PTGES2: variants seen among roughly 807,000 people sequenced by gnomAD.
PTGES2 encodes GATE-binding factor 1.
PTGES2 carries 35 observed loss-of-function variants against 44.5 expected under a neutral mutation model. The observed-to-expected ratio is 0.79, with a 90% confidence interval of 0.60 to 1.04. The LOEUF is 1.04. Ranked by LOEUF, PTGES2 falls within the 50% of genes least tolerant of loss-of-function variation. PTGES2 has a pLI of 0.00. For synonymous variants in PTGES2, 221 were observed against 227.5 expected (o/e 0.97, Z 0.26); for missense variants, 517 against 521.4 (o/e 0.99, Z 0.08).
In PTGES2 at chr9:128,123,004, C is replaced by T. The variant is rs975910084; in HGVS notation, c.817G>A (p.Val273Met). 6 of 1,614,036 alleles carry T rather than the reference C, an allele frequency of 3.7e-6. No homozygotes were observed. The highest frequency in any genetic ancestry group is 1.3e-5 in the African/African-American group (1 of 75,034). ...ATGTACTTGGCCACGGCACCCTCCA[C>T]GGCTCCGAACTTGCCCTCGCGGACA... Reference protein sequence around the residue: ...YIVREGKFGAVEGAVAKYMGA... With the variant: ...YIVREGKFGAMEGAVAKYMGA... Residue 273 changes from valine to methionine, a missense_variant, in exon 5 of 7, where the codon GTG becomes ATG. Physicochemically the swap from Val to Met is conservative, Grantham distance 21. Coordinates refer to ENST00000338961, the MANE Select transcript of PTGES2 (RefSeq NM_025072.7). This position sits in a 1 kb window ranked among gnomAD's most constrained non-coding sequence, Gnocchi z 4.4.
At chr9:128,124,966 G>T in intron 2 of PTGES2, 1 of 889,662 alleles carries the variant, frequency 1.1e-6, no homozygotes, top group Non-Finnish European at 1.6e-6. Flanking sequence ...TAGTGAGTGG[G>T]TGAATCACAC....
chr9:128,128,225 C>T (rs1834729678), upstream of PTGES2: 2 of 440,676 alleles, frequency 4.5e-6, no homozygotes, highest in Admixed American at 5.0e-5. Flanking sequence ...TACTGTGACC[C>T]GAACCATAAA....
chr9:128,124,863 C>G lies in PTGES2; in HGVS notation c.478-313G>C, dbSNP rs967494231. On this transcript the variant is annotated intron_variant, in intron 2 of 6. Transcript: ENST00000338961. ...AAGCACTGTGCCAGGCATTTCATAT[C>G]TGCCGTCCCTGCAAGCCAGAATATG... 1.1e-5 allele frequency: 14 copies of G among 1,246,464 alleles called. 1 individual carries two copies. In the African/African-American group the frequency reaches 1.8e-4, roughly 16 times the overall value. 77.2% of individuals were successfully genotyped at this position (1,246,464 alleles called of 1,614,324 possible).
chr9:128,124,519 CTGA>C lies in PTGES2; in HGVS notation c.506_508del (p.Ile169del). The C allele has an allele frequency of 1.2e-6, 2 of 1,613,772 alleles. No individual in the cohort carries two copies. The highest frequency in any genetic ancestry group is 2.2e-5 in the East Asian group (1 of 44,862). ...CGACACCAGGTAGGTCTTGAGGGCG[CTGA>C]TGATGACAGAGGAGTCATTTAGTTG... is the stretch of plus-strand genomic sequence containing the variant. On this transcript the variant is annotated inframe_deletion, in exon 3 of 7. Transcript: ENST00000338961.
chr9:128,127,422 G>A lies in PTGES2; in HGVS notation c.279+17C>T, dbSNP rs201194108. The A allele has an allele frequency of 3.4e-5, 46 of 1,341,900 alleles. No individual in the cohort carries two copies. In the African/African-American group the frequency reaches 5.1e-4, roughly 15 times the overall value. 83.1% of individuals were successfully genotyped at this position (1,341,900 alleles called of 1,614,324 possible). ...GCGCTGATCAGCATCCCCATCCCCG[G>A]CCGGGCCAGGCCTTACCTGCGCGGC... On this transcript the variant is annotated intron_variant, in intron 1 of 6. Transcript: ENST00000338961.
At position 128,127,530 on chromosome 9, in the gene PTGES2, G is replaced by A; in HGVS notation, c.188C>T (p.Ala63Val). 1 of 1,301,846 alleles carries A rather than the reference G, an allele frequency of 7.7e-7. No homozygotes were observed. Among genetic ancestry groups the A allele is most frequent in the Non-Finnish European group, 9.8e-7 (1 of 1,025,156 alleles). The allele number at this position is 1,301,846 out of a possible 1,614,324, so 80.6% of individuals were successfully genotyped here. A position where few individuals can be genotyped will look rare whatever the true frequency, so the allele number is the denominator to read the frequency against. Residue 63 changes from alanine to valine, a missense_variant, in exon 1 of 7, where the codon GCG becomes GTG. Coordinates refer to ENST00000338961, the MANE Select transcript of PTGES2 (RefSeq NM_025072.7). ...CCCCAGGGCTCCCCCCAGGGCCAGC[G>A]CCGCAGCTCCCAGCAGCCGCGGGCT... The part of the protein sequence containing the change: ...KGSPRLLGAA[A>V]LALGGALGLY...
rs1445423413 is a variant in PTGES2, at chr9:128,123,980, G to A, written c.537-129C>T. The stretch of plus-strand genomic sequence containing the variant: ...GGCTCTCCGGACTCTTGCAGTAAGA[G>A]GGATTTGGAGTAGATGCCAGGGCTA... On this transcript the variant is annotated intron_variant, in intron 3 of 6. Coordinates refer to ENST00000338961, the MANE Select transcript of PTGES2 (RefSeq NM_025072.7). The surrounding 1 kb of genome is among the most constrained non-coding windows in gnomAD (Gnocchi z 4.4). 9.6e-7 allele frequency: 1 copy of A among 1,044,694 alleles called. No homozygotes were observed. Among genetic ancestry groups the A allele is most frequent in the Non-Finnish European group, 1.4e-6 (1 of 724,952 alleles). 64.7% of individuals were successfully genotyped at this position (1,044,694 alleles called of 1,614,324 possible).
chr9:128,127,631 C>T lies in PTGES2; in HGVS notation c.87G>A (p.Leu29=). Residue 29 remains leucine, a synonymous_variant, in exon 1 of 7, where the codon CTG becomes CTA. Transcript: ENST00000338961. ...AWRLGGRPQP[L]LPTQSRAGFA... ...AGCCAGCCCGGCTCTGCGTGGGTAG[C>T]AGCGGCTGGGGGCGGCCTCCCAGCC... The T allele has an allele frequency of 3.2e-6, 4 of 1,268,884 alleles. No homozygotes were observed. The highest frequency in any genetic ancestry group is 4.0e-6 in the Non-Finnish European group (4 of 1,008,716). The allele number at this position is 1,268,884 out of a possible 1,614,324, so 78.6% of individuals were successfully genotyped here.
intron 2 of PTGES2, 151 bp from the exon 3 acceptor site, chr9:128,124,701 T>G (rs1834553426): frequency 1.5e-6 from 2 of 1,301,338 alleles, no homozygotes; most frequent in Admixed American, 5.4e-5. Flanking sequence ...GCACCCATCC[T>G]AAGTAGGGAG....
In PTGES2 at chr9:128,125,452, C is replaced by G; in HGVS notation, c.280-11G>C. 8 of 1,613,516 alleles carry G rather than the reference C, an allele frequency of 5.0e-6. No individual in the cohort carries two copies. The highest frequency in any genetic ancestry group is 6.8e-6 in the Non-Finnish European group (8 of 1,179,840). Reference sequence around the variant, plus strand: ...GCTGGACAGGGAGAGCTGCGGGCAGCAGACGGAAAAGGCTTCTAGACCTGG... The same window carrying G: ...GCTGGACAGGGAGAGCTGCGGGCAGGAGACGGAAAAGGCTTCTAGACCTGG... On this transcript the variant is annotated splice_polypyrimidine_tract_variant and intron_variant, in intron 1 of 6. Coordinates refer to ENST00000338961, the MANE Select transcript of PTGES2 (RefSeq NM_025072.7).
In PTGES2 at chr9:128,122,244, G is replaced by A; in HGVS notation, c.1005+118C>T. 1.0e-5 allele frequency: 8 copies of A among 781,692 alleles called. No homozygotes were observed. The South Asian group carries it at 1.3e-4, about 13-fold the overall frequency. 48.4% of individuals were successfully genotyped at this position (781,692 alleles called of 1,614,324 possible). On this transcript the variant is annotated intron_variant, in intron 6 of 6. Coordinates refer to ENST00000338961, the MANE Select transcript of PTGES2 (RefSeq NM_025072.7). ...AGGCGAGTTTCTGTCCGTGATGGCA[G>A]AGAGAGGCAGGTTCCTCTGGCAAGA...
In PTGES2 at chr9:128,125,504, A is replaced by C. The variant is rs1012887734; in HGVS notation, c.280-63T>G. 3 of 1,521,206 alleles carry C rather than the reference A, an allele frequency of 2.0e-6. No homozygotes were observed. In the African/African-American group the frequency reaches 4.1e-5, roughly 21 times the overall value. The allele number at this position is 1,521,206 out of a possible 1,614,324, so 94.2% of individuals were successfully genotyped here. On this transcript the variant is annotated intron_variant, in intron 1 of 6. Transcript: ENST00000338961. ...ACCCCCAGGCCCAGGCCCTGCCCCC[A>C]AGGGTGTTTTCCAGAGGAGTCTTCT...
At chr9:128,122,669 G>A in intron 5 of PTGES2, 190 bp from the exon 6 acceptor site, 1 of 634,696 alleles carries the variant, frequency 1.6e-6, no homozygotes, top group Non-Finnish European at 2.7e-6. Context: ...CAAGAGACCA[G>A]GCCAGGGAGA....
intron 1 of PTGES2, 120 bp downstream of exon 1, chr9:128,127,319 G>T: frequency 2.3e-6 from 2 of 884,250 alleles, no homozygotes; most frequent in Non-Finnish European, 3.0e-6. Flanking sequence ...GGAGACTTCA[G>T]ACCAAGTCAC....
chr9:128,123,542 G>A lies in PTGES2; in HGVS notation c.686+160C>T, dbSNP rs573488112. Among the ~76,000 whole-genome samples the A allele has an allele frequency of 3.9e-5, 6 of 152,116 alleles. No individual in the cohort carries two copies. The highest frequency in any genetic ancestry group is 2.1e-4 in the South Asian group (1 of 4,812). On this transcript the variant is annotated intron_variant, in intron 4 of 6. Coordinates refer to ENST00000338961, the MANE Select transcript of PTGES2 (RefSeq NM_025072.7). This position sits in a 1 kb window ranked among gnomAD's most constrained non-coding sequence, Gnocchi z 4.4. The stretch of plus-strand genomic sequence containing the variant: ...ATTACAGGAGTGAGCCACCACGCCC[G>A]GCTGCAGGAAGGTCTCTACTGAAAT...
chr9:128,127,363 C>G, intron 1 of PTGES2, 76 bp downstream of exon 1: 1 of 1,256,594 alleles, frequency 8.0e-7, no homozygotes, highest in Admixed American at 3.7e-5. Context: ...GAGGCAACTC[C>G]TGACCCTGCG....
intron 1 of PTGES2, among the ~76,000 whole-genome samples, chr9:128,126,955 G>A (rs1314166763): frequency 2.0e-5 from 3 of 151,962 alleles, no homozygotes; most frequent in Non-Finnish European, 4.4e-5. Context: ...AAGGTGGGCG[G>A]ATCACTTGAG....
rs1056564807 is a variant in PTGES2 at position 128,125,572 on chromosome 9, G to A, written c.280-131C>T. 8.1e-5 allele frequency: 66 copies of A among 819,288 alleles called. No homozygotes were observed. In the East Asian group the frequency reaches 1.7e-3, roughly 21 times the overall value. The allele number at this position is 819,288 out of a possible 1,614,324, so 50.8% of individuals were successfully genotyped here. On this transcript the variant is annotated intron_variant, in intron 1 of 6. Coordinates refer to ENST00000338961, the MANE Select transcript of PTGES2 (RefSeq NM_025072.7). The stretch of plus-strand genomic sequence containing the variant: ...TCGGGAAGAGGAACTAGAGATGGAA[G>A]GGGGCGGTAGGGGAAAGGGAGGCAC...
intron 3 of PTGES2, 124 bp downstream of exon 3, chr9:128,124,368 G>A (rs1021874978): frequency 6.3e-6 from 5 of 791,602 alleles, no homozygotes; most frequent in Middle Eastern, 3.9e-4. Context: ...ACAGGTGCGA[G>A]CCACTCTGTA....
Sources: allele counts gnomAD v4.1 joint callset (sites outside exome capture counted in the v4.1 genomes callset), GRCh38; gene constraint gnomAD v4.1.1; non-coding constraint Gnocchi (gnomAD v3.1); transcripts MANE v1.5; gene names NCBI Gene and HGNC (gene_info 2026-07-23, HGNC 2026-07-21).